The following FHIT variants were observed in gnomAD, a reference collection of about 807,000 sequenced individuals.
FHIT encodes fragile histidine triad diadenosine triphosphatase, also known as bis(5'-adenosyl)-triphosphatase.
In FHIT, 19 loss-of-function variants were observed where a neutral mutation model predicts 17.9. That is an observed-to-expected ratio of 1.06 (90% CI 0.74 to 1.56). The LOEUF is 1.56. Ranked by LOEUF, FHIT falls within the 40% of genes most tolerant of loss-of-function variation. The pLI is 0.00. For synonymous variants in FHIT, 81 were observed against 69.7 expected (o/e 1.16, Z -0.81); for missense variants, 248 against 189.2 (o/e 1.31, Z -1.82).
At chr3:59,861,473 T>A (rs1475060538) in intron 8 of FHIT, among the ~76,000 whole-genome samples, 1 of 152,230 alleles carries the variant, frequency 6.6e-6, no homozygotes, top group Admixed American at 6.5e-5. Flanking sequence ...CAGGGTGCTA[T>A]TTTTGAAAAT....
intron 3 of FHIT, among the ~76,000 whole-genome samples, chr3:60,830,881 G>C (rs1702305073): frequency 6.6e-6 from 1 of 152,010 alleles, no homozygotes; most frequent in African/African-American, 2.4e-5. Flanking sequence ...TCTCATCCTT[G>C]TCCTTAGCTT....
intron 5 of FHIT, among the ~76,000 whole-genome samples, chr3:60,397,649 C>G (rs1038001182): frequency 2.6e-5 from 4 of 152,074 alleles, no homozygotes; most frequent in Non-Finnish European, 5.9e-5. Context: ...CTGATAGCGA[C>G]AGGAGGCGGC....
intron 4 of FHIT, among the ~76,000 whole-genome samples, chr3:60,581,989 T>A (rs1033165181): frequency 6.6e-6 from 1 of 151,932 alleles, no homozygotes; most frequent in Non-Finnish European, 1.5e-5. Flanking sequence ...ACCATTGCAA[T>A]GTGAGGGCAG....
intron 4 of FHIT, among the ~76,000 whole-genome samples, chr3:60,702,108 C>A (rs2041262059): frequency 6.6e-6 from 1 of 152,190 alleles, no homozygotes; most frequent in South Asian, 2.1e-4. Flanking sequence ...AAGCACTCTG[C>A]CCATCTTGGC....
At chr3:60,192,275 GGATA>G (rs1346011483) in intron 5 of FHIT, among the ~76,000 whole-genome samples, 9 of 146,374 alleles carry the variant, frequency 6.1e-5, no homozygotes. Flanking sequence ...AAAAGTTAAA[GGATA>G]GACAGGCAAA....
chr3:59,977,855 C>T (rs1297841781), intron 7 of FHIT, among the ~76,000 whole-genome samples: 2 of 152,094 alleles, frequency 1.3e-5, no homozygotes, highest in Non-Finnish European at 2.9e-5. Context: ...ATGATAGACA[C>T]ATTAAAAGAA....
At chr3:60,705,008 G>A (rs2041338542) in intron 4 of FHIT, among the ~76,000 whole-genome samples, 1 of 150,798 alleles carries the variant, frequency 6.6e-6, no homozygotes, top group Non-Finnish European at 1.5e-5. Flanking sequence ...CAACCCATAG[G>A]TGTTTCTTTA....
intron 4 of FHIT, among the ~76,000 whole-genome samples, chr3:60,600,969 G>A (rs540800989): frequency 5.9e-5 from 9 of 152,180 alleles, no homozygotes; most frequent in South Asian, 4.2e-4. Flanking sequence ...CTCCCCTTCC[G>A]GGCCCCTCAC....
At chr3:60,645,851 C>T (rs1263386774) in intron 4 of FHIT, among the ~76,000 whole-genome samples, 1 of 152,316 alleles carries the variant, frequency 6.6e-6, no homozygotes, top group East Asian at 1.9e-4. Flanking sequence ...CTGATCACTG[C>T]TGATTTGGTT....
chr3:60,328,019 A>G (rs991890732), intron 5 of FHIT, among the ~76,000 whole-genome samples: 1 of 152,178 alleles, frequency 6.6e-6, no homozygotes, highest in Non-Finnish European at 1.5e-5. Flanking sequence ...ATCAATGTCA[A>G]ATGTAATGCT....
At chr3:60,568,572 C>T (rs1343389673) in intron 4 of FHIT, among the ~76,000 whole-genome samples, 1 of 151,928 alleles carries the variant, frequency 6.6e-6, no homozygotes, top group African/African-American at 2.4e-5. Flanking sequence ...CTAACCTGTA[C>T]ATTCTGCACA....
chr3:60,389,574 A>G (rs549942013), intron 5 of FHIT, among the ~76,000 whole-genome samples: 1 of 152,260 alleles, frequency 6.6e-6, no homozygotes, highest in South Asian at 2.1e-4. Context: ...TCAGGATTTA[A>G]CTTGTCCAGT....
intron 3 of FHIT, among the ~76,000 whole-genome samples, chr3:61,031,530 C>G (rs2033009483): frequency 6.6e-6 from 1 of 152,166 alleles, no homozygotes; most frequent in Non-Finnish European, 1.5e-5. Context: ...TACCCCAACT[C>G]ATGTAAATTG....
chr3:61,068,267 G>A (rs1365643852), intron 2 of FHIT, among the ~76,000 whole-genome samples: 2 of 152,178 alleles, frequency 1.3e-5, no homozygotes, highest in Non-Finnish European at 2.9e-5. Context: ...AAGGAAGAAT[G>A]TTTCCTTGCT....
At chr3:60,679,705 G>C (rs540739157) in intron 4 of FHIT, among the ~76,000 whole-genome samples, 1 of 151,920 alleles carries the variant, frequency 6.6e-6, no homozygotes, top group South Asian at 2.1e-4. Context: ...CTTTAAGAAA[G>C]ATTTCTATAA....
At chr3:61,077,560 T>C (rs1037483594) in intron 2 of FHIT, among the ~76,000 whole-genome samples, 2 of 152,126 alleles carry the variant, frequency 1.3e-5, no homozygotes, top group African/African-American at 4.8e-5. Flanking sequence ...TCACCCCTAC[T>C]TCCTCCCCAC....
chr3:61,238,920 G>C (rs1367316067), intron 1 of FHIT, among the ~76,000 whole-genome samples: 1 of 152,314 alleles, frequency 6.6e-6, no homozygotes, highest in South Asian at 2.1e-4. Flanking sequence ...ACCGCATTAG[G>C]GGGCAGAAGT....
chr3:60,514,208 A>G (rs1457944093), intron 5 of FHIT, among the ~76,000 whole-genome samples: 3 of 152,248 alleles, frequency 2.0e-5, no homozygotes, highest in African/African-American at 4.8e-5. Context: ...AGGCTGTCAC[A>G]CTGACTCTTC....
chr3:59,780,829 C>T (rs187024361), intron 8 of FHIT, among the ~76,000 whole-genome samples: 7 of 152,230 alleles, frequency 4.6e-5, no homozygotes, highest in East Asian at 1.9e-4. Context: ...CTGTTTAACC[C>T]GTTTAGTTTA....
Sources: allele counts gnomAD v4.1 joint callset (sites outside exome capture counted in the v4.1 genomes callset), GRCh38; gene constraint gnomAD v4.1.1; transcripts MANE v1.5; gene names NCBI Gene and HGNC (gene_info 2026-07-23, HGNC 2026-07-21).